ATRNL1: variants seen among roughly 807,000 people sequenced by gnomAD.
ATRNL1 encodes attractin like 1, also known as attractin-like protein 1.
In ATRNL1, 95 loss-of-function variants were observed where a neutral mutation model predicts 182.7. The ratio of observed to expected loss-of-function variants is 0.52; its 90% CI spans 0.44 to 0.62. The LOEUF (loss-of-function observed/expected upper bound fraction) is 0.62. ATRNL1 is among the 20% of genes least tolerant of loss of function. The pLI is 0.00. For synonymous variants in ATRNL1, 576 were observed against 568.3 expected, an observed-to-expected ratio of 1.01 and a Z score of -0.19; for missense variants, 1,471 against 1,679.5, an observed-to-expected ratio of 0.88 and a Z score of 2.17.
rs1953872964 is a variant in ATRNL1 at position 115,946,198 on chromosome 10, A to G, written c.*1419A>G. ...CCTTTAAATACAATTGATGTTTAGT[A>G]CTATATATGTACTTTTCACATTCTT... is the stretch of plus-strand genomic sequence containing the variant. On this transcript the variant is annotated 3_prime_UTR_variant, in exon 29 of 29. Coordinates refer to ENST00000355044, the MANE Select transcript of ATRNL1 (RefSeq NM_207303.4). The G allele has an allele frequency of 6.6e-6, 1 of 152,212 alleles. No homozygotes were observed. Among genetic ancestry groups the G allele is most frequent in the South Asian group, 2.1e-4 (1 of 4,834 alleles). The allele number at this position is 152,212 out of a possible 1,614,324, so 9.4% of individuals were successfully genotyped here.
chr10:115,698,090 A>T (rs1411505377), intron 26 of ATRNL1, among the ~76,000 whole-genome samples: 1 of 152,176 alleles, frequency 6.6e-6, no homozygotes, highest in Non-Finnish European at 1.5e-5. Context: ...CCCTTTATAG[A>T]TACTTTCATA....
At chr10:115,532,629 C>T (rs1457362511) in intron 25 of ATRNL1, among the ~76,000 whole-genome samples, 61 of 150,718 alleles carry the variant, frequency 4.0e-4, no homozygotes, top group East Asian at 1.6e-3. Context: ...CCTTCTCCTG[C>T]CTAATTGCCC....
intron 27 of ATRNL1, among the ~76,000 whole-genome samples, chr10:115,778,031 T>C (rs1299372389): frequency 6.6e-6 from 1 of 151,992 alleles, no homozygotes; most frequent in African/African-American, 2.4e-5. Context: ...GAATAAAGAG[T>C]AATGTTCAGG....
At chr10:115,712,793 A>G (rs973667322) in intron 26 of ATRNL1, among the ~76,000 whole-genome samples, 37 of 151,932 alleles carry the variant, frequency 2.4e-4, no homozygotes, top group South Asian at 4.2e-4. Context: ...GCTTGAACCC[A>G]GGAGACGGAG....
chr10:115,424,819 G>T (rs1048788359), intron 20 of ATRNL1, among the ~76,000 whole-genome samples: 2 of 152,064 alleles, frequency 1.3e-5, no homozygotes, highest in Non-Finnish European at 2.9e-5. Context: ...TATGAGGAGG[G>T]TGGAATGGGG....
chr10:115,252,733 G>A (rs1203521439), intron 10 of ATRNL1, among the ~76,000 whole-genome samples: 1 of 152,108 alleles, frequency 6.6e-6, no homozygotes, highest in Non-Finnish European at 1.5e-5. Context: ...ATGGTACTGA[G>A]GAGACCCTCT....
chr10:115,445,318 G>A (rs1171420078), intron 21 of ATRNL1, among the ~76,000 whole-genome samples: 2 of 148,182 alleles, frequency 1.3e-5, no homozygotes, highest in East Asian at 4.2e-4. Context: ...TGTAATCCCA[G>A]TTACTCAGGA....
chr10:115,197,211 AT>A (rs1367903820), intron 8 of ATRNL1, among the ~76,000 whole-genome samples: 1 of 151,960 alleles, frequency 6.6e-6, no homozygotes, highest in Non-Finnish European at 1.5e-5. Context: ...CTGCAATTGC[AT>A]TCTTGGATAA....
At chr10:115,365,987 A>G (rs1263557232) in intron 19 of ATRNL1, among the ~76,000 whole-genome samples, 1 of 151,888 alleles carries the variant, frequency 6.6e-6, no homozygotes, top group Non-Finnish European at 1.5e-5. Flanking sequence ...CTGAAAATGT[A>G]TATTCTGTTG....
At chr10:115,518,902 A>T (rs190895772) in intron 24 of ATRNL1, among the ~76,000 whole-genome samples, 14 of 152,046 alleles carry the variant, frequency 9.2e-5, no homozygotes, top group Admixed American at 5.9e-4. Context: ...GCTTCCCCAG[A>T]TGAAGTTATA....
intron 5 of ATRNL1, among the ~76,000 whole-genome samples, chr10:115,133,148 A>G (rs904320695): frequency 6.6e-6 from 1 of 152,162 alleles, no homozygotes. Flanking sequence ...CCTTCTACAT[A>G]TGGCTAGCCA....
intron 28 of ATRNL1, among the ~76,000 whole-genome samples, chr10:115,899,105 C>G (rs1263346240): frequency 6.6e-6 from 1 of 152,072 alleles, no homozygotes; most frequent in Non-Finnish European, 1.5e-5. Context: ...TATCCTTCCC[C>G]CATCCCCCAC....
At position 115,334,435 on chromosome 10, in the gene ATRNL1, G is replaced by A; in HGVS notation, c.3175+16G>A. 1.3e-6 allele frequency: 2 copies of A among 1,504,280 alleles called. No individual in the cohort carries two copies. The highest frequency in any genetic ancestry group is 1.3e-5 in the South Asian group (1 of 74,698). 93.2% of individuals were successfully genotyped at this position (1,504,280 alleles called of 1,614,324 possible). A position where few individuals can be genotyped will look rare whatever the true frequency, so the allele number is the denominator to read the frequency against. On this transcript the variant is annotated intron_variant, in intron 19 of 28. Coordinates refer to ENST00000355044, the MANE Select transcript of ATRNL1 (RefSeq NM_207303.4). ...CAGTGCACAGGTAAGTTTCTTTTAA[G>A]CAAATTTTGGTGTATTTTTACTAAG...
At chr10:115,924,293 T>C (rs1332366423) in intron 28 of ATRNL1, among the ~76,000 whole-genome samples, 1 of 152,238 alleles carries the variant, frequency 6.6e-6, no homozygotes, top group African/African-American at 2.4e-5. Context: ...TTACAATTGC[T>C]TTTGACATTT....
chr10:115,532,547 G>C (rs532463781), intron 25 of ATRNL1, among the ~76,000 whole-genome samples: 1,938 of 151,906 alleles, frequency 0.013, 35 homozygotes, highest in African/African-American at 0.044. Context: ...GGGTTTTCTA[G>C]ATATACAATC....
chr10:115,314,747 G>T (rs1004076338), intron 17 of ATRNL1, among the ~76,000 whole-genome samples: 3 of 152,090 alleles, frequency 2.0e-5, no homozygotes, highest in Non-Finnish European at 4.4e-5. Context: ...CTTATCTTTG[G>T]CAAACTTCAC....
chr10:115,284,957 A>G (rs946873039), intron 14 of ATRNL1, among the ~76,000 whole-genome samples: 6 of 152,170 alleles, frequency 3.9e-5, no homozygotes, highest in Admixed American at 3.3e-4. Context: ...TGCAATTAAC[A>G]TATTGCTCTA....
chr10:115,391,562 G>C (rs1844020489), intron 19 of ATRNL1, among the ~76,000 whole-genome samples: 1 of 151,978 alleles, frequency 6.6e-6, no homozygotes, highest in Admixed American at 6.6e-5. Context: ...GTGCTGCTTG[G>C]GCTTGTGGGA....
chr10:115,522,844 T>C (rs1268072825), intron 25 of ATRNL1, among the ~76,000 whole-genome samples: 1 of 152,212 alleles, frequency 6.6e-6, no homozygotes, highest in Non-Finnish European at 1.5e-5. Flanking sequence ...AGTGATAACA[T>C]GCTGCATGAA....
Sources: allele counts gnomAD v4.1 joint callset (sites outside exome capture counted in the v4.1 genomes callset), GRCh38; gene constraint gnomAD v4.1.1; transcripts MANE v1.5; gene names NCBI Gene and HGNC (gene_info 2026-07-23, HGNC 2026-07-21).